PSD3: variants seen among roughly 807,000 people sequenced by gnomAD.
PSD3 encodes the protein PH and SEC7 domain-containing protein 3.
Under a neutral mutation model 105.5 loss-of-function variants are expected in PSD3, and 49 were observed. The ratio of observed to expected loss-of-function variants is 0.46; its 90% CI spans 0.37 to 0.59. The LOEUF (loss-of-function observed/expected upper bound fraction) is 0.59, where lower values mean the gene tolerates loss of function less well. Ranked by LOEUF, PSD3 falls within the 20% of genes least tolerant of loss-of-function variation. The pLI is 0.00. For missense variants in PSD3, 1,561 were observed against 1,263.8 expected (o/e 1.24, Z -3.57); for synonymous variants, 557 against 457.8 (o/e 1.22, Z -2.77).
chr8:18,777,459 T>C (rs558014605), intron 8 of PSD3, among the ~76,000 whole-genome samples: 2 of 152,246 alleles, frequency 1.3e-5, no homozygotes, highest in Non-Finnish European at 2.9e-5. Flanking sequence ...TCCACTAATG[T>C]TGAGTTTTTT....
At chr8:18,578,553 T>C (rs1248544463) in intron 12 of PSD3, among the ~76,000 whole-genome samples, 3 of 152,104 alleles carry the variant, frequency 2.0e-5, no homozygotes, top group Non-Finnish European at 4.4e-5. Flanking sequence ...TATATCACAA[T>C]GTCTAACAAA....
At chr8:18,853,553 C>T (rs1008794670) in intron 4 of PSD3, among the ~76,000 whole-genome samples, 1 of 151,974 alleles carries the variant, frequency 6.6e-6, no homozygotes, top group African/African-American at 2.4e-5. Context: ...AAAAAAAAAA[C>T]TCCCTATGCC....
intron 12 of PSD3, among the ~76,000 whole-genome samples, chr8:18,582,536 C>T (rs1199768048): frequency 1.3e-5 from 2 of 152,086 alleles, no homozygotes; most frequent in Non-Finnish European, 2.9e-5. Flanking sequence ...GTGACATCAT[C>T]TACTTGCATG....
At chr8:18,632,844 T>C (rs1401441022) in intron 10 of PSD3, 38 bp from the exon 11 acceptor site, 2 of 1,419,342 alleles carry the variant, frequency 1.4e-6, no homozygotes, top group South Asian at 1.3e-5. Context: ...GTCAAGCACC[T>C]ATCATAATAT....
intron 6 of PSD3, chr8:18,803,417 G>GTGTGTGTGTGTGTC (rs1312447899): frequency 6.6e-6 from 1 of 151,940 alleles, no homozygotes; most frequent in African/African-American, 2.4e-5. Context: ...GTGTGTGTGT[G>GTGTGTGTGTGTGTC]TGTTAAACTC....
chr8:18,584,759 C>T lies in PSD3; in HGVS notation c.2482-9474G>A, dbSNP rs185459753. Among the ~76,000 whole-genome samples the T allele has an allele frequency of 5.8e-3, 888 of 152,162 alleles. 2 individuals are homozygous for T. Among genetic ancestry groups the T allele is most frequent in the East Asian group, 0.011 (56 of 5,156 alleles). On this transcript the variant is annotated intron_variant, in intron 12 of 15. Transcript: ENST00000327040. ...AGGGCTATGTGGGCTTTCTTTAATA[C>T]GGGAATACTGCTCTTAAATGTCTCT...
At chr8:18,833,886 G>C (rs1280112270) in intron 4 of PSD3, among the ~76,000 whole-genome samples, 2 of 152,026 alleles carry the variant, frequency 1.3e-5, no homozygotes, top group Admixed American at 1.3e-4. Flanking sequence ...CAACTAGTAA[G>C]ATAGTCAGTT....
At position 18,705,444 on chromosome 8, in the gene PSD3, T is replaced by C. The variant is rs1801833469; in HGVS notation, c.2173-49759A>G. Among the ~76,000 whole-genome samples the C allele has an allele frequency of 3.4e-5, 5 of 145,494 alleles. No individual in the cohort carries two copies. In the South Asian group the frequency reaches 1.1e-3, roughly 31 times the overall value. On this transcript the variant is annotated intron_variant, in intron 9 of 15. Coordinates refer to ENST00000327040, the MANE Select transcript of PSD3 (RefSeq NM_015310.4). ...TACTTGGGAGGCTGAGGTGGGAGGA[T>C]GACTTGAGCTTGGGAGGCAGAGGTT...
At chr8:18,537,671 A>G (rs1342063384) in intron 15 of PSD3, among the ~76,000 whole-genome samples, 1 of 95,058 alleles carries the variant, frequency 1.1e-5, no homozygotes, top group East Asian at 3.5e-4. Context: ...CACTGGTGTT[A>G]GCCTCTCATT....
intron 12 of PSD3, among the ~76,000 whole-genome samples, chr8:18,580,439 C>A (rs946185309): frequency 6.6e-6 from 1 of 152,096 alleles, no homozygotes; most frequent in South Asian, 2.1e-4. Flanking sequence ...AAGTTTAATT[C>A]CAATTAAACT....
intron 8 of PSD3, among the ~76,000 whole-genome samples, chr8:18,785,365 T>G (rs2129445693): frequency 6.6e-6 from 1 of 152,350 alleles, no homozygotes; most frequent in East Asian, 1.9e-4. Context: ...ATGAAGACAC[T>G]TTCTTTCCTA....
intron 11 of PSD3, among the ~76,000 whole-genome samples, chr8:18,611,811 G>A (rs181174828): frequency 8.2e-4 from 125 of 152,266 alleles, no homozygotes; most frequent in African/African-American, 3.0e-3. Flanking sequence ...GAAGCTGTAA[G>A]CTTTGCTTCT....
intron 2 of PSD3, among the ~76,000 whole-genome samples, chr8:18,888,270 G>A (rs572055819): frequency 1.5e-4 from 23 of 152,298 alleles, no homozygotes; most frequent in Admixed American, 6.5e-5. Context: ...AGAAACAGAA[G>A]CTCAGTGCCG....
intron 9 of PSD3, among the ~76,000 whole-genome samples, chr8:18,743,301 G>A (rs950455990): frequency 4.6e-5 from 7 of 152,156 alleles, no homozygotes; most frequent in East Asian, 1.9e-4. Flanking sequence ...TTTCATAGAG[G>A]AGCGGGGAGA....
At chr8:18,877,186 C>G (rs1186274759) in intron 2 of PSD3, among the ~76,000 whole-genome samples, 10 of 152,174 alleles carry the variant, frequency 6.6e-5, no homozygotes, top group African/African-American at 2.4e-5. Flanking sequence ...CCAAATTATC[C>G]GTTTTTCCTT....
intron 1 of PSD3, among the ~76,000 whole-genome samples, chr8:18,984,095 A>T (rs1825379429): frequency 1.3e-5 from 2 of 151,478 alleles, no homozygotes; most frequent in Admixed American, 1.3e-4. Context: ...ATATCGCAAG[A>T]ATTACAAAAA....
chr8:18,931,978 GC>G (rs1821780365), intron 2 of PSD3, among the ~76,000 whole-genome samples: 1 of 152,160 alleles, frequency 6.6e-6, no homozygotes, highest in African/African-American at 2.4e-5. Flanking sequence ...ATGAGTTTGG[GC>G]AAATTAATTC....
chr8:18,589,850 T>G (rs1179425350), intron 12 of PSD3, among the ~76,000 whole-genome samples: 1 of 152,156 alleles, frequency 6.6e-6, no homozygotes, highest in Non-Finnish European at 1.5e-5. Context: ...AAAGGTTGAT[T>G]TAAGAAATCT....
At chr8:18,989,335 G>T (rs1296492272) in intron 1 of PSD3, 1 of 152,130 alleles carries the variant, frequency 6.6e-6, no homozygotes, top group Non-Finnish European at 1.5e-5. Context: ...CTCTTTTCAT[G>T]GGTCCTTCAG....
Sources: allele counts gnomAD v4.1 joint callset (sites outside exome capture counted in the v4.1 genomes callset), GRCh38; gene constraint gnomAD v4.1.1; transcripts MANE v1.5; gene names NCBI Gene and HGNC (gene_info 2026-07-23, HGNC 2026-07-21).